MREG: variants seen among roughly 807,000 people sequenced by gnomAD.
The protein encoded by MREG is dilute suppressor protein homolog.
MREG carries 31 observed loss-of-function variants against 28.5 expected under a neutral mutation model. The observed-to-expected ratio is 1.09, with a 90% CI of 0.82 to 1.47. MREG has a LOEUF of 1.47. Among genes scored for constraint, MREG ranks in the 40% most tolerant of loss-of-function variants. MREG has a pLI of 0.00. For synonymous variants in MREG, 106 were observed against 95.2 expected (o/e 1.11, Z -0.66); for missense variants, 256 against 257.4 (o/e 0.99, Z 0.04).
intron 1 of MREG, among the ~76,000 whole-genome samples, chr2:216,021,339 C>G (rs112465459): frequency 2.0e-5 from 3 of 152,268 alleles, no homozygotes; most frequent in African/African-American, 7.2e-5. Context: ...CCACCCGCCT[C>G]GGCCTCCCAA....
At chr2:216,017,757 CTAGT>C (rs1694468604), upstream of MREG, among the ~76,000 whole-genome samples, 1 of 152,148 alleles carries the variant, frequency 6.6e-6, no homozygotes, top group Non-Finnish European at 1.5e-5. Context: ...TTGAAAACAA[CTAGT>C]AGAATTTGGA....
chr2:216,011,179 T>A (rs1360945427), intron 1 of MREG, among the ~76,000 whole-genome samples: 1 of 151,772 alleles, frequency 6.6e-6, no homozygotes, highest in Non-Finnish European at 1.5e-5. Flanking sequence ...CTTTAAAAAA[T>A]TTTTAAATCA....
chr2:215,953,143 A>G (rs975202453), intron 2 of MREG, among the ~76,000 whole-genome samples: 10 of 152,238 alleles, frequency 6.6e-5, no homozygotes, highest in African/African-American at 1.9e-4. Flanking sequence ...GGGCATGAAC[A>G]CCGGGGCAGC....
At position 215,945,573 on chromosome 2, in the gene MREG, C is replaced by G; in HGVS notation, c.508G>C (p.Val170Leu). Residue 170 changes from valine (V) to leucine (L), a missense_variant and splice_region_variant, in exon 4 of 5, where the codon GTG becomes CTG. Val to Leu is a conservative substitution (Grantham distance 32). Coordinates refer to ENST00000263268, the MANE Select transcript of MREG (RefSeq NM_018000.3). ...WELSERYLFV[V>L]DRLIALDAAE... ...AATGAAAAAAAGCATCCACTTACCA[C>G]AACAAAGAGATATCTCTCTGAGAGC... The G allele has an allele frequency of 4.3e-6, 7 of 1,612,038 alleles. No homozygotes were observed. The highest frequency in any genetic ancestry group is 5.9e-6 in the Non-Finnish European group (7 of 1,179,344).
chr2:216,026,431 T>A (rs1193876428), intron 1 of MREG, among the ~76,000 whole-genome samples: 1 of 152,110 alleles, frequency 6.6e-6, no homozygotes, highest in Non-Finnish European at 1.5e-5. Flanking sequence ...AGTGGCACCA[T>A]CTAGGCTCAT....
intron 1 of MREG, among the ~76,000 whole-genome samples, chr2:216,019,630 G>A (rs985652696): frequency 1.3e-5 from 2 of 151,260 alleles, no homozygotes; most frequent in African/African-American, 2.4e-5. Context: ...TCAGCCTCCC[G>A]AGTAGCTGGG....
intron 2 of MREG, among the ~76,000 whole-genome samples, chr2:215,976,101 C>A (rs1408487650): frequency 9.3e-6 from 1 of 107,246 alleles, no homozygotes; most frequent in Non-Finnish European, 2.1e-5. Flanking sequence ...AAGCAGGACT[C>A]CGTCTCAAAA....
At chr2:215,945,027 T>C in intron 4 of MREG, 30 bp from the exon 5 acceptor site, 2 of 1,545,288 alleles carry the variant, frequency 1.3e-6, no homozygotes, top group Non-Finnish European at 1.8e-6. Flanking sequence ...ACCAAAAAAC[T>C]GCTGGCAAGA....
intron 2 of MREG, among the ~76,000 whole-genome samples, chr2:215,971,257 G>T (rs945919299): frequency 1.3e-5 from 2 of 152,158 alleles, no homozygotes; most frequent in Non-Finnish European, 1.5e-5. Context: ...GTATGTCTAT[G>T]TAACAAACCT....
chr2:216,024,941 GGGAAAGGAAGGGAAA>G (rs369310010), intron 1 of MREG, among the ~76,000 whole-genome samples: 3,708 of 97,780 alleles, frequency 0.038, 134 homozygotes, highest in African/African-American at 0.14. Context: ...CGGAAAGGAA[GGGAAAGGAAGGGAAA>G]GGAAAGGAAA....
upstream of MREG, among the ~76,000 whole-genome samples, chr2:216,016,177 C>T (rs1009279612): frequency 6.6e-6 from 1 of 152,178 alleles, no homozygotes; most frequent in Non-Finnish European, 1.5e-5. Context: ...CACCAGACAG[C>T]ACAGGACTGT....
chr2:216,028,929 A>C (rs1263859791), intron 1 of MREG, among the ~76,000 whole-genome samples: 2 of 152,054 alleles, frequency 1.3e-5, no homozygotes, highest in Admixed American at 1.3e-4. Flanking sequence ...AGGAAGAAAA[A>C]AATAAGGCTT....
upstream of MREG, among the ~76,000 whole-genome samples, chr2:216,015,319 G>A (rs1694429834): frequency 6.6e-6 from 1 of 152,118 alleles, no homozygotes; most frequent in Non-Finnish European, 1.5e-5. Context: ...AGCTAGCCAT[G>A]ATATCGCCAG....
At chr2:216,033,050 AT>A (rs1217843554), upstream of MREG, 1 of 152,178 alleles carries the variant, frequency 6.6e-6, no homozygotes, top group Non-Finnish European at 1.5e-5. Flanking sequence ...CATTTTACAC[AT>A]TTTAAACCTT....
downstream of MREG, among the ~76,000 whole-genome samples, chr2:215,942,398 C>T (rs1692209347): frequency 6.6e-6 from 1 of 152,180 alleles, no homozygotes. Context: ...CCTGAGGCAC[C>T]CCTGCGCCCC....
rs1267033684 is a variant in MREG, at chr2:216,013,232, C to T, written c.95+1G>A. On this transcript the variant is annotated splice_donor_variant, in intron 1 of 4. Coordinates refer to ENST00000263268, the MANE Select transcript of MREG (RefSeq NM_018000.3). LOFTEE classifies it high-confidence loss of function. ...GATCCCGGCCCGGGCGGCGCACCCA[C>T]CTGACGAGGGGCTCCTTCTCAGGCA... is the stretch of plus-strand genomic sequence containing the variant. The T allele has an allele frequency of 6.5e-7, 1 of 1,548,986 alleles. No homozygotes were observed. The highest frequency in any genetic ancestry group is 2.0e-5 in the Admixed American group (1 of 50,974).
intron 2 of MREG, among the ~76,000 whole-genome samples, chr2:215,973,255 C>T (rs1350439144): frequency 6.6e-6 from 1 of 152,190 alleles, no homozygotes. Flanking sequence ...CCCATTCCCT[C>T]CAAACTTCTG....
intron 1 of MREG, among the ~76,000 whole-genome samples, chr2:216,001,959 G>A (rs550618306): frequency 6.6e-6 from 1 of 152,268 alleles, no homozygotes; most frequent in South Asian, 2.1e-4. Flanking sequence ...AAAGGCCTGG[G>A]GGTCTGGGCC....
At chr2:215,994,170 C>T (rs910795768) in intron 2 of MREG, among the ~76,000 whole-genome samples, 1 of 152,008 alleles carries the variant, frequency 6.6e-6, no homozygotes, top group Non-Finnish European at 1.5e-5. Flanking sequence ...CCCAAATGCC[C>T]ATCAATGATA....
Sources: allele counts gnomAD v4.1 joint callset (sites outside exome capture counted in the v4.1 genomes callset), GRCh38; gene constraint gnomAD v4.1.1; transcripts MANE v1.5; gene names NCBI Gene and HGNC (gene_info 2026-07-23, HGNC 2026-07-21).